PNPLA4: variants seen among roughly 807,000 people sequenced by gnomAD.
The protein encoded by PNPLA4 is patatin-like phospholipase domain-containing protein 4.
PNPLA4 carries 15 observed loss-of-function variants against 18.3 expected under a neutral mutation model. That is an observed-to-expected ratio of 0.82 (90% CI 0.55 to 1.26). The LOEUF is 1.26. PNPLA4 is among the 50% of genes most tolerant of loss of function. The pLI, the probability that PNPLA4 is intolerant of heterozygous loss-of-function variation, is 0.00. For missense variants in PNPLA4, 229 were observed against 196.8 expected (o/e 1.16, Z -0.98); for synonymous variants, 88 against 85.6 (o/e 1.03, Z -0.16).
Position 7,900,772 on chromosome X carries a change from G to C in PNPLA4, c.676C>G (p.Pro226Ala), listed in dbSNP as rs760335821. 1.2e-5 allele frequency: 15 copies of C among 1,202,375 alleles called. No individual in the cohort carries two copies. In the South Asian group the frequency reaches 2.5e-4, roughly 20 times the overall value. ...LVRLNQALFP[P>A]SKRKMESLYQ... ...AAAGATTCCATTTTCCTCTTGCTTGGGGGAAAAAGGGCTTGGTTGAGTCTC... is the reference window on the plus strand; with the variant it reads ...AAAGATTCCATTTTCCTCTTGCTTGCGGGAAAAAGGGCTTGGTTGAGTCTC... The change falls in exon 7 of 7, where the codon CCA (proline) becomes GCA (alanine). Residue 226 changes from proline (P) to alanine (A), a missense_variant. Transcript: ENST00000381042.
At chrX:7,927,419 G>A (rs1338223314), upstream of PNPLA4, 4 of 113,397 alleles carry the variant, frequency 3.5e-5, no homozygotes, top group African/African-American at 6.4e-5. Flanking sequence ...AAAGTCCTGC[G>A]GCAGGGGTTG....
At chrX:7,925,235 G>A (rs1924355670) in intron 2 of PNPLA4, among the ~76,000 whole-genome samples, 1 of 111,853 alleles carries the variant, frequency 8.9e-6, no homozygotes, top group South Asian at 3.7e-4. Context: ...TTCATTCTTG[G>A]GTATGAGGGT....
chrX:7,898,400 A>G lies in PNPLA4; in HGVS notation c.*2286T>C, dbSNP rs1273729790. The stretch of plus-strand genomic sequence containing the variant: ...ACTCCTTTCAGATTTTCTATATGCC[A>G]GTTCTACAATGCCTCAAAATTTTGA... On this transcript the variant is annotated 3_prime_UTR_variant, in exon 7 of 7. Coordinates refer to ENST00000381042, the MANE Select transcript of PNPLA4 (RefSeq NM_004650.3). 1 of 111,793 alleles carries G rather than the reference A, an allele frequency of 8.9e-6. No homozygotes were observed. The highest frequency in any genetic ancestry group is 1.9e-5 in the Non-Finnish European group (1 of 53,177). The allele number at this position is 111,793 out of a possible 1,213,427, so 9.2% of individuals were successfully genotyped here.
At chrX:7,922,193 T>A in intron 2 of PNPLA4, 95 bp from the exon 3 acceptor site, 1 of 613,343 alleles carries the variant, frequency 1.6e-6, no homozygotes, top group Non-Finnish European at 2.7e-6. Context: ...CAACAGCAAA[T>A]GTAGGGTGTC....
Position 7,900,343 on chromosome X carries a change from C to G in PNPLA4, c.*343G>C, listed in dbSNP as rs1417588597. The stretch of plus-strand genomic sequence containing the variant: ...AAACACCCATGCTTCACGTCAAGAT[C>G]ATGCCACATATTCTCCATGGAACCT... On this transcript the variant is annotated 3_prime_UTR_variant, in exon 7 of 7. Transcript: ENST00000381042. The G allele has an allele frequency of 2.4e-5, 3 of 126,653 alleles. No individual in the cohort carries two copies. The highest frequency in any genetic ancestry group is 4.8e-5 in the Non-Finnish European group (3 of 63,119). The allele number at this position is 126,653 out of a possible 1,213,427, so 10.4% of individuals were successfully genotyped here.
chrX:7,914,480 T>C (rs1360231405), intron 4 of PNPLA4, among the ~76,000 whole-genome samples: 1 of 112,040 alleles, frequency 8.9e-6, no homozygotes, highest in Non-Finnish European at 1.9e-5. Context: ...TTATCATCAA[T>C]TGGCTATGCT....
In PNPLA4 at chrX:7,902,054, C is replaced by T. The variant is rs1923552571; in HGVS notation, c.565G>A (p.Asp189Asn). ...VTISPFSGRL[D>N]ISPQDKGQLD... is the part of the protein sequence containing the mutation. Reference sequence around the variant, plus strand: ...TGCCCTTTGTCCTGCGGGGAGATGTCCAGTCGTCCACTGAAGGGGGAGATG... The same window carrying T: ...TGCCCTTTGTCCTGCGGGGAGATGTTCAGTCGTCCACTGAAGGGGGAGATG... The change falls in exon 6 of 7, where the codon GAC becomes AAC. Residue 189 changes from aspartate (D) to asparagine (N), a missense_variant. Transcript: ENST00000381042. The T allele has an allele frequency of 8.3e-7, 1 of 1,206,956 alleles. No homozygotes were observed. The highest frequency in any genetic ancestry group is 2.2e-5 in the Admixed American group (1 of 45,442).
upstream of PNPLA4, chrX:7,927,555 C>T (rs1321780434): frequency 2.6e-5 from 3 of 113,527 alleles, no homozygotes; most frequent in African/African-American, 9.6e-5. Flanking sequence ...CCAGCGCAGG[C>T]AAGGATTCCT....
Position 7,899,626 on chromosome X carries a change from C to CCAGAGAGAGAGAGAGAGAGAGAGAGA in PNPLA4, c.*1059_*1060insTCTCTCTCTCTCTCTCTCTCTCTCTG, listed in dbSNP as rs763944921. Reference sequence around the variant, plus strand: ...TAGCTAAATACTCAGAGAGGTATGGCGAGAGAGAGAGAGAGAGAGAGAGAG... The same window carrying CCAGAGAGAGAGAGAGAGAGAGAGAGA: ...TAGCTAAATACTCAGAGAGGTATGGCCAGAGAGAGAGAGAGAGAGAGAGAGAGAGAGAGAGAGAGAGAGAGAGAGAG... On this transcript the variant is annotated 3_prime_UTR_variant, in exon 7 of 7. Transcript: ENST00000381042. 40 of 46,567 alleles carry CCAGAGAGAGAGAGAGAGAGAGAGAGA rather than the reference C, an allele frequency of 8.6e-4. 13 individuals carry two copies. The highest frequency in any genetic ancestry group is 2.1e-3 in the East Asian group (3 of 1,437). 3.8% of individuals were successfully genotyped at this position (46,567 alleles called of 1,213,427 possible). A position where few individuals can be genotyped will look rare whatever the true frequency, so the allele number is the denominator to read the frequency against.
rs1178242326 is a variant in PNPLA4 at position 7,900,544 on chromosome X, T to C, written c.*142A>G. The stretch of plus-strand genomic sequence containing the variant: ...CCTCTTATATCCATGTGCTAAGTAA[T>C]AATTCAAATATTAAAAATAAACACA... On this transcript the variant is annotated 3_prime_UTR_variant, in exon 7 of 7. Coordinates refer to ENST00000381042, the MANE Select transcript of PNPLA4 (RefSeq NM_004650.3). 2.4e-6 allele frequency: 1 copy of C among 424,439 alleles called. No homozygotes were observed. The highest frequency in any genetic ancestry group is 4.0e-6 in the Non-Finnish European group (1 of 253,116). The allele number at this position is 424,439 out of a possible 1,213,427, so 35.0% of individuals were successfully genotyped here.
At chrX:7,906,035 A>C (rs1182966989) in intron 5 of PNPLA4, among the ~76,000 whole-genome samples, 1 of 112,344 alleles carries the variant, frequency 8.9e-6, no homozygotes. Context: ...GCACACTGTA[A>C]AATTCAGGGA....
chrX:7,926,022 A>G lies in PNPLA4; in HGVS notation c.98T>C (p.Val33Ala). 8.3e-7 allele frequency: 1 copy of G among 1,211,682 alleles called. No individual in the cohort carries two copies. The highest frequency in any genetic ancestry group is 1.1e-6 in the Non-Finnish European group (1 of 895,026). Residue 33 changes from valine (V) to alanine (A), a missense_variant, in exon 2 of 7, where the codon GTG becomes GCG. Transcript: ENST00000381042. ...SALCRHGKKLVKDVKAFAGAS... is the reference protein window; with the variant it reads ...SALCRHGKKLAKDVKAFAGAS... ...CCCAGCGAAGGCTTTGACATCCTTC[A>G]CAAGTTTTTTGCCATGTCTGCAAAG...
intron 6 of PNPLA4, among the ~76,000 whole-genome samples, chrX:7,901,478 T>G (rs1454234111): frequency 9.0e-6 from 1 of 110,740 alleles, no homozygotes; most frequent in Non-Finnish European, 1.9e-5. Context: ...TCCCAGGTAC[T>G]TGGGAGGCTG....
chrX:7,924,342 G>A lies in PNPLA4; in HGVS notation c.180+1598C>T, dbSNP rs752805840. ...GGAACTTATATCATCAGCGAGAACC[G>A]AGCGAACACGAATCTGAGTAGGTAG... On this transcript the variant is annotated intron_variant, in intron 2 of 6. Coordinates refer to ENST00000381042, the MANE Select transcript of PNPLA4 (RefSeq NM_004650.3). Among the ~76,000 whole-genome samples the A allele has an allele frequency of 7.2e-5, 8 of 111,684 alleles. No homozygotes were observed. The East Asian group carries it at 2.0e-3, about 27-fold the overall frequency.
Position 7,900,862 on chromosome X carries a change from C to G in PNPLA4, c.631-45G>C, listed in dbSNP as rs1315448480. ...ATTTAAGCTGTAGGATATTGCAGTA[C>G]AGGTAAATATACACTATTTTTATAA... On this transcript the variant is annotated intron_variant, in intron 6 of 6. Transcript: ENST00000381042. 5.7e-6 allele frequency: 6 copies of G among 1,051,099 alleles called. No individual in the cohort carries two copies. In the African/African-American group the frequency reaches 9.4e-5, roughly 17 times the overall value. 86.6% of individuals were successfully genotyped at this position (1,051,099 alleles called of 1,213,427 possible). A position where few individuals can be genotyped will look rare whatever the true frequency, so the allele number is the denominator to read the frequency against.
intron 5 of PNPLA4, among the ~76,000 whole-genome samples, chrX:7,904,574 A>C (rs1264550293): frequency 8.9e-6 from 1 of 112,500 alleles, no homozygotes; most frequent in Non-Finnish European, 1.9e-5. Flanking sequence ...TCATTCGGGC[A>C]TACAGATTCC....
chrX:7,918,731 C>T (rs975184398), intron 4 of PNPLA4, among the ~76,000 whole-genome samples: 10 of 111,623 alleles, frequency 9.0e-5, no homozygotes, highest in Non-Finnish European at 1.9e-4. Flanking sequence ...ACCATCCTCC[C>T]ATGGCACCAC....
rs1465520993 is a variant in PNPLA4, at chrX:7,902,103, G to C, written c.516C>G (p.Ile172Met). Residue 172 changes from isoleucine (I) to methionine (M), a missense_variant, in exon 6 of 7, where the codon ATC becomes ATG. Physicochemically the swap from Ile to Met is conservative, Grantham distance 10 (BLOSUM62 1). Coordinates refer to ENST00000381042, the MANE Select transcript of PNPLA4 (RefSeq NM_004650.3). The stretch of plus-strand genomic sequence containing the variant: ...TGGTTACTGTCCGGCCGACGGGCAG[G>C]ATGGGAAGAGCGTTGGTGAGGCCTC... ...VDGGLTNALP[I>M]LPVGRTVTIS... The C allele has an allele frequency of 1.7e-6, 2 of 1,206,141 alleles. No individual in the cohort carries two copies. The highest frequency in any genetic ancestry group is 2.2e-6 in the Non-Finnish European group (2 of 893,444).
Position 7,900,793 on chromosome X carries a change from G to C in PNPLA4, c.655C>G (p.Leu219Val). 1 of 1,203,878 alleles carries C rather than the reference G, an allele frequency of 8.3e-7. No homozygotes were observed. The highest frequency in any genetic ancestry group is 1.1e-6 in the Non-Finnish European group (1 of 890,689). The change falls in exon 7 of 7, where the codon CTC becomes GTC. Residue 219 changes from leucine to valine, a missense_variant. Leu to Val is a conservative substitution (Grantham distance 32, BLOSUM62 1). Transcript: ENST00000381042. ...CTTGGGGGAAAAAGGGCTTGGTTGA[G>C]TCTCACCAGGTTTGCCAGGGACAAC... is the stretch of plus-strand genomic sequence containing the variant. Reference protein sequence around the residue: ...IMLSLANLVRLNQALFPPSKR... With the variant: ...IMLSLANLVRVNQALFPPSKR...
Sources: allele counts gnomAD v4.1 joint callset (sites outside exome capture counted in the v4.1 genomes callset), GRCh38; gene constraint gnomAD v4.1.1; transcripts MANE v1.5; gene names NCBI Gene and HGNC (gene_info 2026-07-23, HGNC 2026-07-21).